Variants in DNMT1 observed in about 807,000 individuals in gnomAD.
DNMT1 encodes DNA (cytosine-5)-methyltransferase 1.
DNMT1 carries 24 observed loss-of-function variants against 205.3 expected under a neutral mutation model. The observed-to-expected ratio is 0.12, with a 90% CI of 0.08 to 0.16. The LOEUF (loss-of-function observed/expected upper bound fraction) is 0.16. Among genes scored for constraint, DNMT1 ranks in the 10% least tolerant of loss-of-function variants. The pLI is 1.00. For synonymous variants in DNMT1, 817 were observed against 839.8 expected (o/e 0.97, Z 0.47); for missense variants, 1,293 against 2,177.7 (o/e 0.59, Z 8.09).
intron 5 of DNMT1, among the ~76,000 whole-genome samples, chr19:10,178,051 G>A (rs2038969179): frequency 6.6e-6 from 1 of 151,544 alleles, no homozygotes; most frequent in African/African-American, 2.4e-5. Flanking sequence ...AAGGTCAAGA[G>A]ATCGAGACCA....
At chr19:10,192,468 G>A (rs2039321146) in intron 1 of DNMT1, among the ~76,000 whole-genome samples, 1 of 151,754 alleles carries the variant, frequency 6.6e-6, no homozygotes, top group African/African-American at 2.4e-5. Context: ...ATGTTTTCAA[G>A]AAGGCTGGGC....
chr19:10,152,936 CAAA>C (rs34698448), intron 22 of DNMT1, among the ~76,000 whole-genome samples: 3 of 72,600 alleles, frequency 4.1e-5, no homozygotes, highest in Admixed American at 1.4e-4. Context: ...CCTGTCTCTA[CAAA>C]AAAAAAAAAA....
At chr19:10,166,783 G>C (rs578095774) in intron 10 of DNMT1, 98 bp from the exon 11 acceptor site, 2 of 1,308,210 alleles carry the variant, frequency 1.5e-6, no homozygotes, top group African/African-American at 1.4e-5. Flanking sequence ...CTCCTCCCCA[G>C]GTTCAGAGGA....
chr19:10,190,525 G>T (rs888570481), intron 1 of DNMT1, among the ~76,000 whole-genome samples: 12 of 152,048 alleles, frequency 7.9e-5, no homozygotes, highest in Admixed American at 5.9e-4. Flanking sequence ...CACTTTGCGG[G>T]GCTGAGGCAG....
At chr19:10,147,989 G>A (rs1406627859) in intron 27 of DNMT1, among the ~76,000 whole-genome samples, 1 of 151,144 alleles carries the variant, frequency 6.6e-6, no homozygotes, top group Non-Finnish European at 1.5e-5. Flanking sequence ...GGTGGCCCAT[G>A]CTTGTAATCC....
rs553446742 is a variant in DNMT1 at position 10,194,618 on chromosome 19, G to A, written c.80+202C>T. 1.0e-4 allele frequency: 63 copies of A among 605,246 alleles called. No homozygotes were observed. In the East Asian group the frequency reaches 2.1e-3, roughly 20 times the overall value. The allele number at this position is 605,246 out of a possible 1,614,324, so 37.5% of individuals were successfully genotyped here. On this transcript the variant is annotated intron_variant, in intron 1 of 40. Transcript: ENST00000359526. ...CCAGGGAGCTACGGGGGAATCCACG[G>A]TCCATTTTGGCGCCAAACAGCCCGG...
At chr19:10,173,044 T>G (rs889400101) in intron 9 of DNMT1, 46 bp downstream of exon 9, 1 of 1,609,716 alleles carries the variant, frequency 6.2e-7, no homozygotes. Flanking sequence ...TGGGACCATA[T>G]AGGATTAAGG....
Position 10,140,075 on chromosome 19 carries a change from G to T in DNMT1, c.3777C>A (p.Phe1259Leu). 6.2e-7 allele frequency: 1 copy of T among 1,612,706 alleles called. No homozygotes were observed. The highest frequency in any genetic ancestry group is 1.1e-5 in the South Asian group (1 of 91,070). The change falls in exon 33 of 41, where the codon TTC becomes TTA. Residue 1259 changes from phenylalanine (F) to leucine (L), a missense_variant. By Grantham distance (22) the Phe-to-Leu change is conservative. Around this residue, in one of 13 missense-constraint regions of DNMT1, gnomAD observed 38 missense variants for 141.1 expected, o/e 0.27. Transcript: ENST00000359526. This position sits in a 1 kb window ranked among gnomAD's most constrained non-coding sequence, Gnocchi z 8.4. The stretch of plus-strand genomic sequence containing the variant: ...GGAAGGAAACCACCAGAGAGTTTTT[G>T]AACTTGGAGTAGGTGCGCGAATTGA... ...NRFNSRTYSK[F>L]KNSLVVSFLS...
At chr19:10,148,402 A>G (rs764050933) in intron 27 of DNMT1, among the ~76,000 whole-genome samples, 11 of 150,844 alleles carry the variant, frequency 7.3e-5, no homozygotes, top group Non-Finnish European at 1.3e-4. Flanking sequence ...AGGCTGAGGC[A>G]GGAGAATGGC....
chr19:10,152,821 T>C (rs910206533), intron 22 of DNMT1, among the ~76,000 whole-genome samples: 1 of 151,176 alleles, frequency 6.6e-6, no homozygotes, highest in Non-Finnish European at 1.5e-5. Context: ...CCTATTTGGC[T>C]GGGTGCAGTG....
intron 1 of DNMT1, among the ~76,000 whole-genome samples, chr19:10,187,187 T>G (rs1343151346): frequency 6.6e-6 from 1 of 151,016 alleles, no homozygotes; most frequent in Non-Finnish European, 1.5e-5. Context: ...GTAGAACCAA[T>G]GACATCAGAG....
chr19:10,179,706 G>A (rs1293992179), intron 5 of DNMT1, among the ~76,000 whole-genome samples: 1 of 151,950 alleles, frequency 6.6e-6, no homozygotes, highest in Non-Finnish European at 1.5e-5. Context: ...TGAGCCAAGT[G>A]GGGCCGGGCA....
At chr19:10,149,707 A>G in intron 25 of DNMT1, 50 bp from the exon 26 acceptor site, 1 of 1,611,220 alleles carries the variant, frequency 6.2e-7, no homozygotes, top group Non-Finnish European at 8.5e-7. Flanking sequence ...TGGCCAGCAG[A>G]TATGTGACCA....
chr19:10,191,749 C>A (rs1389144296), intron 1 of DNMT1, among the ~76,000 whole-genome samples: 2 of 152,068 alleles, frequency 1.3e-5, no homozygotes, highest in Non-Finnish European at 2.9e-5. Flanking sequence ...TAATCTCAGC[C>A]CTTTGGGAGG....
chr19:10,182,602 ATATG>A (rs554412039), intron 1 of DNMT1, among the ~76,000 whole-genome samples: 341 of 151,120 alleles, frequency 2.3e-3, no homozygotes, highest in Non-Finnish European at 4.0e-3. Context: ...ATGTGTGTAT[ATATG>A]TATGTATATA....
intron 13 of DNMT1, among the ~76,000 whole-genome samples, chr19:10,161,290 C>T (rs1385813253): frequency 3.3e-5 from 5 of 151,010 alleles, no homozygotes; most frequent in African/African-American, 7.3e-5. Flanking sequence ...GGCGGCAGAG[C>T]GAGACTCTGT....
In DNMT1 at chr19:10,133,550, A is replaced by G; in HGVS notation, c.*117T>C. 1 of 1,230,834 alleles carries G rather than the reference A, an allele frequency of 8.1e-7. No homozygotes were observed. The highest frequency in any genetic ancestry group is 1.3e-5 in the South Asian group (1 of 77,002). The allele number at this position is 1,230,834 out of a possible 1,614,324, so 76.2% of individuals were successfully genotyped here. A position where few individuals can be genotyped will look rare whatever the true frequency, so the allele number is the denominator to read the frequency against. On this transcript the variant is annotated 3_prime_UTR_variant, in exon 41 of 41. Coordinates refer to ENST00000359526, the MANE Select transcript of DNMT1 (RefSeq NM_001130823.3). The surrounding 1 kb of genome is among the most constrained non-coding windows in gnomAD (Gnocchi z 4.1). ...TCACACAACAGCTTCATGTCAGCCA[A>G]GGCCACAAACACCATGTACCACACA...
intron 10 of DNMT1, among the ~76,000 whole-genome samples, chr19:10,167,472 T>C (rs2038721628): frequency 6.6e-6 from 1 of 152,172 alleles, no homozygotes; most frequent in Non-Finnish European, 1.5e-5. Context: ...GCTGAGATTA[T>C]AGGCGCGAGC....
In DNMT1 at chr19:10,194,803, C is replaced by A. The variant is rs1329016471; in HGVS notation, c.80+17G>T. The A allele has an allele frequency of 1.2e-6, 2 of 1,610,954 alleles. No individual in the cohort carries two copies. Among genetic ancestry groups the A allele is most frequent in the Admixed American group, 3.3e-5 (2 of 59,886 alleles). ...TGCCTGTCCCCCTGAGTCCGTGTTC[C>A]CCCCCATGGTACCTACCGCCTGCGG... On this transcript the variant is annotated intron_variant, in intron 1 of 40. Transcript: ENST00000359526.
Sources: gnomAD v4.1 joint callset for allele counts (sites outside exome capture counted in the v4.1 genomes callset) on GRCh38, gnomAD v4.1.1 for gene constraint, gnomAD v4.1.1 regional missense constraint, Gnocchi (gnomAD v3.1) non-coding constraint, MANE v1.5 for transcripts, NCBI Gene and HGNC (gene_info 2026-07-23, HGNC 2026-07-21) for gene names.